The following NFAM1 variants were observed in gnomAD, a reference collection of about 807,000 sequenced individuals.
The protein encoded by NFAM1 is NFAT activating protein with ITAM motif 1, also known as NFAT activation molecule 1.
In NFAM1, 17 loss-of-function variants were observed where a neutral mutation model predicts 29.0. The ratio of observed to expected loss-of-function variants is 0.59; its 90% CI spans 0.40 to 0.88. NFAM1 has a LOEUF of 0.88. Ranked by LOEUF, NFAM1 falls within the 40% of genes least tolerant of loss-of-function variation. The pLI, the probability that NFAM1 is intolerant of heterozygous loss-of-function variation, is 0.00. For synonymous variants in NFAM1, 175 were observed against 147.2 expected (o/e 1.19, Z -1.36); for missense variants, 324 against 344.6 (o/e 0.94, Z 0.47).
At chr22:42,425,067 GC>G (rs1930580057) in intron 1 of NFAM1, among the ~76,000 whole-genome samples, 1 of 152,152 alleles carries the variant, frequency 6.6e-6, no homozygotes, top group African/African-American at 2.4e-5. Flanking sequence ...AATTACAGGT[GC>G]ATGCCACCAT....
At chr22:42,426,951 G>C (rs1930643220) in intron 1 of NFAM1, among the ~76,000 whole-genome samples, 2 of 152,118 alleles carry the variant, frequency 1.3e-5, no homozygotes. Flanking sequence ...CCTTCCTATT[G>C]CTGTCTGGGA....
chr22:42,431,405 C>T (rs868078109), intron 1 of NFAM1, among the ~76,000 whole-genome samples: 1 of 152,198 alleles, frequency 6.6e-6, no homozygotes, highest in African/African-American at 2.4e-5. Context: ...CACCCTGTCT[C>T]CACAGTGGAG....
At chr22:42,437,487 T>G in the NFAM1 span, among the ~76,000 whole-genome samples, 1 of 152,132 alleles carries the variant, frequency 6.6e-6, no homozygotes, top group Non-Finnish European at 1.5e-5. Context: ...GCCAAGGTTC[T>G]GGGAGGCTCG....
At chr22:42,405,065 G>C (rs1929849886) in intron 3 of NFAM1, among the ~76,000 whole-genome samples, 1 of 152,122 alleles carries the variant, frequency 6.6e-6, no homozygotes. Context: ...AGGGTGGTGA[G>C]AGGAGGAAGA....
At chr22:42,414,514 G>A (rs1478979325) in intron 1 of NFAM1, among the ~76,000 whole-genome samples, 1 of 151,962 alleles carries the variant, frequency 6.6e-6, no homozygotes, top group African/African-American at 2.4e-5. Flanking sequence ...CAAAGCAGAA[G>A]GACCTCTTGA....
chr22:42,409,394 C>T lies in NFAM1; in HGVS notation c.564+41G>A, dbSNP rs1172777096. On this transcript the variant is annotated intron_variant, in intron 3 of 5. Transcript: ENST00000329021. The surrounding 1 kb of genome is among the most constrained non-coding windows in gnomAD (Gnocchi z 4.9). Reference sequence around the variant, plus strand: ...GGCAGGCGGGCAGCCGGTGGCGTGTCGGGTGGAGGGGCTGCATGGCTGTGA... The same window carrying T: ...GGCAGGCGGGCAGCCGGTGGCGTGTTGGGTGGAGGGGCTGCATGGCTGTGA... The T allele has an allele frequency of 6.2e-6, 7 of 1,134,826 alleles. No individual in the cohort carries two copies. In the East Asian group the frequency reaches 8.3e-5, roughly 13 times the overall value. 70.3% of individuals were successfully genotyped at this position (1,134,826 alleles called of 1,614,324 possible). A position where few individuals can be genotyped will look rare whatever the true frequency, so the allele number is the denominator to read the frequency against.
intron 1 of NFAM1, among the ~76,000 whole-genome samples, chr22:42,426,600 T>G (rs1930630782): frequency 6.6e-6 from 1 of 152,174 alleles, no homozygotes; most frequent in Non-Finnish European, 1.5e-5. Flanking sequence ...CCAGGCCCTC[T>G]GTTTTGGCAA....
chr22:42,396,747 A>T (rs1253742234), intron 4 of NFAM1, among the ~76,000 whole-genome samples: 1 of 152,204 alleles, frequency 6.6e-6, no homozygotes, highest in Non-Finnish European at 1.5e-5. Flanking sequence ...AACTGTTGGC[A>T]CTGCCCCACA....
chr22:42,407,572 C>T (rs747042525), intron 3 of NFAM1, among the ~76,000 whole-genome samples: 1 of 151,664 alleles, frequency 6.6e-6, no homozygotes, highest in Non-Finnish European at 1.5e-5. Flanking sequence ...GGTTTCACCA[C>T]GGGGGTCAGG....
chr22:42,422,613 A>C (rs1390466611), intron 1 of NFAM1, among the ~76,000 whole-genome samples: 1 of 152,038 alleles, frequency 6.6e-6, no homozygotes, highest in Non-Finnish European at 1.5e-5. Context: ...ACAAAAACAA[A>C]AAAAGAAGGT....
intron 3 of NFAM1, among the ~76,000 whole-genome samples, chr22:42,401,143 T>G (rs2147100201): frequency 6.6e-6 from 1 of 152,298 alleles, no homozygotes; most frequent in South Asian, 2.1e-4. Context: ...GGGCCCCAAG[T>G]CTGCAGGGGA....
At chr22:42,400,605 G>A (rs765001302) in intron 3 of NFAM1, among the ~76,000 whole-genome samples, 4 of 152,190 alleles carry the variant, frequency 2.6e-5, no homozygotes, top group Admixed American at 6.5e-5. Context: ...CAAAAAGAGT[G>A]AGACTCTATC....
At chr22:42,406,202 G>T (rs996731173) in intron 3 of NFAM1, among the ~76,000 whole-genome samples, 57 of 135,002 alleles carry the variant, frequency 4.2e-4, no homozygotes, top group Admixed American at 3.8e-4. Context: ...AGGGAGCAGA[G>T]CAAACCACTT....
In NFAM1 at chr22:42,388,975, G is replaced by C. The variant is rs965067774; in HGVS notation, c.664-1897C>G. On this transcript the variant is annotated intron_variant, in intron 4 of 5. Transcript: ENST00000329021. The surrounding 1 kb of genome is among the most constrained non-coding windows in gnomAD (Gnocchi z 4.1). ...GAGCACCAGCCACCCCAGCTGGTCT[G>C]GCACCCAGGATGGGAATGTTCCTCT... Among the ~76,000 whole-genome samples, 6 of 152,204 alleles carry C rather than the reference G, an allele frequency of 3.9e-5. No individual in the cohort carries two copies. Among genetic ancestry groups the C allele is most frequent in the Non-Finnish European group, 7.3e-5 (5 of 68,030 alleles).
At chr22:42,407,883 T>TA (rs1043916610) in intron 3 of NFAM1, among the ~76,000 whole-genome samples, 1 of 150,946 alleles carries the variant, frequency 6.6e-6, no homozygotes, top group African/African-American at 2.4e-5. Flanking sequence ...TGAGCCACCA[T>TA]ACCTGGCAGA....
chr22:42,392,731 G>A (rs1027108585), intron 4 of NFAM1, among the ~76,000 whole-genome samples: 6 of 152,092 alleles, frequency 3.9e-5, no homozygotes, highest in Non-Finnish European at 7.4e-5. Context: ...GGGTTTTGGT[G>A]GGTTTGTCTG....
At chr22:42,426,129 G>T (rs116469325) in intron 1 of NFAM1, among the ~76,000 whole-genome samples, 1 of 152,140 alleles carries the variant, frequency 6.6e-6, no homozygotes, top group Non-Finnish European at 1.5e-5. Flanking sequence ...CTCTGCCTCC[G>T]GCCAACCTCA....
chr22:42,398,309 A>AG (rs1298371757), intron 3 of NFAM1, among the ~76,000 whole-genome samples: 1 of 152,146 alleles, frequency 6.6e-6, no homozygotes. Flanking sequence ...AGCCAGGTCC[A>AG]GTGTCCAGTC....
chr22:42,414,733 C>T (rs909275968), intron 1 of NFAM1, among the ~76,000 whole-genome samples: 5 of 152,072 alleles, frequency 3.3e-5, no homozygotes, highest in South Asian at 4.2e-4. Flanking sequence ...TATCCTCACC[C>T]GGGGCCTCCT....
Sources: allele counts gnomAD v4.1 joint callset (sites outside exome capture counted in the v4.1 genomes callset), GRCh38; gene constraint gnomAD v4.1.1; non-coding constraint Gnocchi (gnomAD v3.1); transcripts MANE v1.5; gene names NCBI Gene and HGNC (gene_info 2026-07-23, HGNC 2026-07-21).